The following ARFGEF2 variants were observed in gnomAD, a reference collection of about 807,000 sequenced individuals.
ARFGEF2 encodes the protein brefeldin A-inhibited guanine nucleotide-exchange protein 2.
In ARFGEF2, 74 loss-of-function variants were observed where a neutral mutation model predicts 219.9. The ratio of observed to expected loss-of-function variants is 0.34; its 90% CI spans 0.28 to 0.41. The LOEUF (loss-of-function observed/expected upper bound fraction) is 0.41. Among genes scored for constraint, ARFGEF2 ranks in the 10% least tolerant of loss-of-function variants. ARFGEF2 has a pLI of 1.00. For missense variants in ARFGEF2, 1,743 were observed against 2,218.3 expected, an observed-to-expected ratio of 0.79 and a Z score of 4.30; for synonymous variants, 733 against 799.2, an observed-to-expected ratio of 0.92 and a Z score of 1.40.
chr20:49,011,592 G>A (rs978376546), intron 27 of ARFGEF2, among the ~76,000 whole-genome samples: 25 of 152,242 alleles, frequency 1.6e-4, no homozygotes, highest in African/African-American at 5.8e-4. Flanking sequence ...CACGTAACAA[G>A]ATGTTTACTT....
At chr20:49,026,669 T>C (rs988964153) in intron 36 of ARFGEF2, among the ~76,000 whole-genome samples, 4 of 151,170 alleles carry the variant, frequency 2.6e-5, no homozygotes, top group Non-Finnish European at 5.9e-5. Context: ...CACTGCAGTC[T>C]CTACCTCCCG....
chr20:49,025,234 C>T, intron 35 of ARFGEF2, 79 bp from the exon 36 acceptor site: 1 of 1,455,032 alleles, frequency 6.9e-7, no homozygotes, highest in South Asian at 1.2e-5. Flanking sequence ...AGAGTCATGA[C>T]TGCCGTTGTC....
chr20:48,942,667 G>A (rs922236291), intron 3 of ARFGEF2, among the ~76,000 whole-genome samples: 23 of 151,756 alleles, frequency 1.5e-4, no homozygotes, highest in African/African-American at 4.8e-4. Flanking sequence ...TGTATTTTTA[G>A]TACAGATGGG....
intron 11 of ARFGEF2, among the ~76,000 whole-genome samples, 190 bp downstream of exon 11, chr20:48,972,615 TC>T (rs550719220): frequency 2.2e-3 from 328 of 152,314 alleles, no homozygotes; most frequent in Middle Eastern, 6.8e-3. Context: ...GCCAAGGACT[TC>T]CTGGTTTTAG....
chr20:48,947,900 A>G (rs1465462429), intron 3 of ARFGEF2, among the ~76,000 whole-genome samples: 3 of 152,218 alleles, frequency 2.0e-5, no homozygotes, highest in African/African-American at 7.2e-5. Context: ...TGTAAAGCAT[A>G]CAAAAATACA....
intron 15 of ARFGEF2, 73 bp downstream of exon 15, chr20:48,984,913 C>G: frequency 6.2e-7 from 1 of 1,609,436 alleles, no homozygotes. Flanking sequence ...GTTTTAACCT[C>G]GAGATTGTCT....
At chr20:48,928,323 C>T (rs1216702541) in intron 1 of ARFGEF2, among the ~76,000 whole-genome samples, 7 of 144,636 alleles carry the variant, frequency 4.8e-5, no homozygotes, top group South Asian at 2.2e-4. Flanking sequence ...CTCAGCCTCC[C>T]GAGTAGCTGG....
At chr20:49,010,195 A>C in intron 26 of ARFGEF2, 37 bp from the exon 27 acceptor site, 1 of 1,600,862 alleles carries the variant, frequency 6.2e-7, no homozygotes, top group Non-Finnish European at 8.5e-7. Context: ...CCATTCTCCA[A>C]AGTACAGACG....
chr20:48,998,535 G>C lies in ARFGEF2; in HGVS notation c.3432+30G>C, dbSNP rs371214871. ...CTCTTCAAATTTAAAAACCATTCCTGTTAAAAAAAAAAAAAAGTAGACAAC... is the reference window on the plus strand; with the variant it reads ...CTCTTCAAATTTAAAAACCATTCCTCTTAAAAAAAAAAAAAAGTAGACAAC... On this transcript the variant is annotated intron_variant, in intron 25 of 38. Coordinates refer to ENST00000371917, the MANE Select transcript of ARFGEF2 (RefSeq NM_006420.3). 5.9e-6 allele frequency: 9 copies of C among 1,521,182 alleles called. No individual in the cohort carries two copies. The African/African-American group carries it at 1.2e-4, about 21-fold the overall frequency. 94.2% of individuals were successfully genotyped at this position (1,521,182 alleles called of 1,614,324 possible).
At chr20:48,955,774 TTTA>T (rs1351253555) in intron 6 of ARFGEF2, among the ~76,000 whole-genome samples, 10 of 152,120 alleles carry the variant, frequency 6.6e-5, no homozygotes, top group Non-Finnish European at 1.2e-4. Context: ...TGCTGTTACC[TTTA>T]AAAAGAGCAA....
At chr20:48,995,999 A>AAATT (rs2091383695) in intron 23 of ARFGEF2, 117 bp downstream of exon 23, 1 of 937,218 alleles carries the variant, frequency 1.1e-6, no homozygotes, top group Non-Finnish European at 1.7e-6. Context: ...TGTTAGCTAC[A>AAATT]AATTGCTTAA....
intron 4 of ARFGEF2, among the ~76,000 whole-genome samples, chr20:48,952,074 T>TA (rs1491449012): frequency 1.3e-5 from 2 of 151,942 alleles, no homozygotes; most frequent in African/African-American, 2.4e-5. Context: ...GTTGGAGTGT[T>TA]ATATGTCATG....
At chr20:48,930,596 T>G (rs2090907228) in intron 1 of ARFGEF2, among the ~76,000 whole-genome samples, 1 of 152,132 alleles carries the variant, frequency 6.6e-6, no homozygotes, top group Non-Finnish European at 1.5e-5. Context: ...AAGATGGGAA[T>G]GTGGGAAGAG....
Position 48,921,834 on chromosome 20 carries a change from C to A in ARFGEF2, c.-56C>A. 6.9e-7 allele frequency: 1 copy of A among 1,449,540 alleles called. No individual in the cohort carries two copies. The allele number at this position is 1,449,540 out of a possible 1,614,324, so 89.8% of individuals were successfully genotyped here. A position where few individuals can be genotyped will look rare whatever the true frequency, so the allele number is the denominator to read the frequency against. The stretch of plus-strand genomic sequence containing the variant: ...GACGCCGGGCCCGCAGCCTAGCTCG[C>A]CATCTCGCTCACGCCGCCCGCCCGC... On this transcript the variant is annotated 5_prime_UTR_variant, in exon 1 of 39. Coordinates refer to ENST00000371917, the MANE Select transcript of ARFGEF2 (RefSeq NM_006420.3).
intron 6 of ARFGEF2, among the ~76,000 whole-genome samples, chr20:48,960,063 G>A (rs940332309): frequency 8.5e-5 from 13 of 152,196 alleles, no homozygotes; most frequent in African/African-American, 2.7e-4. Flanking sequence ...GATACGTTCT[G>A]AGAAATGAGT....
intron 14 of ARFGEF2, among the ~76,000 whole-genome samples, chr20:48,984,509 G>A (rs767036146): frequency 1.3e-5 from 2 of 152,202 alleles, no homozygotes; most frequent in South Asian, 2.1e-4. Flanking sequence ...GAGAAGGGGA[G>A]AGTGGATATG....
At position 49,013,537 on chromosome 20, in the gene ARFGEF2, C is replaced by T. The variant is rs116557398; in HGVS notation, c.3919-27C>T. On this transcript the variant is annotated intron_variant, in intron 28 of 38. Transcript: ENST00000371917. ...TCCTTCCTTTTGCATGCTTAGTTTACACCTGAGATGTGATTTTTCATCCTA... is the reference window on the plus strand; with the variant it reads ...TCCTTCCTTTTGCATGCTTAGTTTATACCTGAGATGTGATTTTTCATCCTA... 9.6e-4 allele frequency: 1,547 copies of T among 1,613,962 alleles called. 5 individuals are homozygous for T. The highest frequency in any genetic ancestry group is 8.7e-3 in the Middle Eastern group (53 of 6,058).
intron 5 of ARFGEF2, among the ~76,000 whole-genome samples, chr20:48,953,176 CT>C (rs1261375283): frequency 1.4e-3 from 153 of 109,000 alleles, no homozygotes; most frequent in African/African-American, 4.5e-3. Flanking sequence ...TTTTTTTTTT[CT>C]TTTTTCTTTT....
At chr20:49,012,109 G>C in intron 28 of ARFGEF2, 25 bp downstream of exon 28, 1 of 1,614,132 alleles carries the variant, frequency 6.2e-7, no homozygotes, top group Non-Finnish European at 8.5e-7. Flanking sequence ...ACCTTACTCA[G>C]ATGGGCAGTG....
Sources: allele counts gnomAD v4.1 joint callset (sites outside exome capture counted in the v4.1 genomes callset), GRCh38; gene constraint gnomAD v4.1.1; transcripts MANE v1.5; gene names NCBI Gene and HGNC (gene_info 2026-07-23, HGNC 2026-07-21).